MTSS1: variants seen among roughly 807,000 people sequenced by gnomAD.
The protein encoded by MTSS1 is MTSS I-BAR domain containing 1.
MTSS1 carries 18 observed loss-of-function variants against 79.0 expected under a neutral mutation model. The observed-to-expected ratio is 0.23, with a 90% CI of 0.16 to 0.34. MTSS1 has a LOEUF of 0.34. Among genes scored for constraint, MTSS1 ranks in the 10% least tolerant of loss-of-function variants. The pLI is 1.00. For missense variants in MTSS1, 815 were observed against 986.2 expected (o/e 0.83, Z 2.33); for synonymous variants, 341 against 368.6 (o/e 0.93, Z 0.86).
chr8:124,717,338 A>C (rs1832195067), intron 1 of MTSS1, among the ~76,000 whole-genome samples: 1 of 137,704 alleles, frequency 7.3e-6, no homozygotes, highest in South Asian at 2.2e-4. Context: ...CTAAAGATAC[A>C]AAAAAAAAAA....
At chr8:124,580,370 CAATT>C (rs1162574397) in intron 6 of MTSS1, 8 of 598,034 alleles carry the variant, frequency 1.3e-5, no homozygotes, top group South Asian at 2.3e-5. Context: ...AAAAAGAAAA[CAATT>C]AAAACACAAC....
intron 6 of MTSS1, among the ~76,000 whole-genome samples, chr8:124,583,641 C>T (rs532582299): frequency 6.6e-6 from 1 of 152,162 alleles, no homozygotes; most frequent in South Asian, 2.1e-4. Flanking sequence ...CTTTTTCTTC[C>T]TTCATCCTTT....
intron 3 of MTSS1, among the ~76,000 whole-genome samples, chr8:124,696,862 AAAG>A (rs1828924671): frequency 1.3e-5 from 2 of 152,094 alleles, no homozygotes; most frequent in South Asian, 4.2e-4. Context: ...AAAAAAAAAA[AAAG>A]AAAAAAAAAT....
At chr8:124,622,686 G>A (rs28635480) in intron 3 of MTSS1, among the ~76,000 whole-genome samples, 25 of 151,634 alleles carry the variant, frequency 1.6e-4, no homozygotes, top group African/African-American at 5.1e-4. Context: ...TCCATTACTC[G>A]GGAGGCTGAG....
rs373329148 is a variant in MTSS1 at position 124,671,776 on chromosome 8, A to T, written c.208+27750T>A. On this transcript the variant is annotated intron_variant, in intron 3 of 13. Coordinates refer to ENST00000518547, the MANE Select transcript of MTSS1 (RefSeq NM_014751.6). ...GAGGTGTCTTCATTAAGAACACAGCATTCTGCCCCAGGAAACACATACCAT... is the reference window on the plus strand; with the variant it reads ...GAGGTGTCTTCATTAAGAACACAGCTTTCTGCCCCAGGAAACACATACCAT... Among the ~76,000 whole-genome samples the T allele has an allele frequency of 1.2e-3, 186 of 152,342 alleles. 1 individual carries two copies. The highest frequency in any genetic ancestry group is 3.4e-3 in the African/African-American group (140 of 41,574).
intron 1 of MTSS1, among the ~76,000 whole-genome samples, chr8:124,722,543 C>T (rs959400638): frequency 6.6e-6 from 1 of 152,182 alleles, no homozygotes; most frequent in Non-Finnish European, 1.5e-5. Context: ...AAGGGAGAAC[C>T]TCAGCAATCG....
At chr8:124,714,548 C>T (rs1032347264) in intron 1 of MTSS1, among the ~76,000 whole-genome samples, 3 of 152,132 alleles carry the variant, frequency 2.0e-5, no homozygotes, top group East Asian at 1.9e-4. Context: ...CTGCAACCTC[C>T]GCCTCCAGGG....
At chr8:124,715,943 G>C (rs145223836) in intron 1 of MTSS1, among the ~76,000 whole-genome samples, 136 of 152,356 alleles carry the variant, frequency 8.9e-4, no homozygotes, top group Middle Eastern at 3.4e-3. Flanking sequence ...GTTGTAGGAT[G>C]ATGGGGAAAA....
At position 124,656,037 on chromosome 8, in the gene MTSS1, CAGA is replaced by C. The variant is rs1308604924; in HGVS notation, c.208+43486_208+43488del. Among the ~76,000 whole-genome samples, 11 of 152,294 alleles carry C rather than the reference CAGA, an allele frequency of 7.2e-5. No homozygotes were observed. The East Asian group carries it at 2.1e-3, about 29-fold the overall frequency. On this transcript the variant is annotated intron_variant, in intron 3 of 13. Transcript: ENST00000518547. ...ATCTTTGAACTTGGAATGATATAAT[CAGA>C]AGGAGAAAAAAACCTAATGTGTCTT...
intron 3 of MTSS1, among the ~76,000 whole-genome samples, chr8:124,696,654 C>T (rs1486580904): frequency 6.6e-6 from 1 of 151,962 alleles, no homozygotes; most frequent in African/African-American, 2.4e-5. Context: ...AGTTCGAGAC[C>T]AGTCTGGCCA....
At chr8:124,617,609 G>C (rs1563869406) in intron 3 of MTSS1, among the ~76,000 whole-genome samples, 1 of 151,998 alleles carries the variant, frequency 6.6e-6, no homozygotes, top group African/African-American at 2.4e-5. Flanking sequence ...GGGCGAGAGG[G>C]GTGCAGGGGA....
chr8:124,591,251 AG>A lies in MTSS1; in HGVS notation c.209-17del, dbSNP rs746722198. The A allele has an allele frequency of 5.2e-5, 83 of 1,609,938 alleles. No individual in the cohort carries two copies. In the South Asian group the frequency reaches 7.6e-4, roughly 15 times the overall value. On this transcript the variant is annotated splice_polypyrimidine_tract_variant and intron_variant, in intron 3 of 13. Transcript: ENST00000518547. The stretch of plus-strand genomic sequence containing the variant: ...CTGGTCCCACCTGAAAAAGCAACAG[AG>A]GCAAAGGTGAGGGATAGAAGACTAG...
intron 3 of MTSS1, among the ~76,000 whole-genome samples, chr8:124,599,229 TC>T (rs5894716): frequency 0.31 from 47,820 of 151,988 alleles, 9,304 homozygotes; most frequent in African/African-American, 0.55. Flanking sequence ...ACGCCTGTAA[TC>T]CCCAACACTT....
intron 3 of MTSS1, among the ~76,000 whole-genome samples, chr8:124,656,008 T>C (rs940074592): frequency 6.6e-6 from 1 of 152,106 alleles, no homozygotes; most frequent in Non-Finnish European, 1.5e-5. Context: ...CAGAAGAAAA[T>C]AAAATCTTTG....
chr8:124,635,798 A>T (rs1816869426), intron 3 of MTSS1, among the ~76,000 whole-genome samples: 1 of 151,742 alleles, frequency 6.6e-6, no homozygotes, highest in Non-Finnish European at 1.5e-5. Context: ...ACTATATTTT[A>T]TGGCTCCCGG....
rs1046153748 is a variant in MTSS1 at position 124,672,133 on chromosome 8, T to C, written c.208+27393A>G. Among the ~76,000 whole-genome samples, 4 of 152,342 alleles carry C rather than the reference T, an allele frequency of 2.6e-5. 1 individual carries two copies. ...TTTCAGCATTTATGAAGTAATAAGA[T>C]ACATCCAGACTATAAAACATACAAA... On this transcript the variant is annotated intron_variant, in intron 3 of 13. Coordinates refer to ENST00000518547, the MANE Select transcript of MTSS1 (RefSeq NM_014751.6).
At chr8:124,674,401 C>A (rs1563976889) in intron 3 of MTSS1, among the ~76,000 whole-genome samples, 1 of 152,196 alleles carries the variant, frequency 6.6e-6, no homozygotes, top group Non-Finnish European at 1.5e-5. Context: ...CCACGCATCG[C>A]CAGGAGCTGT....
chr8:124,707,854 C>A (rs1021871973), intron 1 of MTSS1, among the ~76,000 whole-genome samples: 6 of 152,160 alleles, frequency 3.9e-5, no homozygotes, highest in African/African-American at 1.2e-4. Flanking sequence ...CCAGCCTGGG[C>A]AACAGAGCAA....
intron 3 of MTSS1, among the ~76,000 whole-genome samples, chr8:124,670,365 T>G (rs1435207620): frequency 7.3e-6 from 1 of 136,918 alleles, no homozygotes; most frequent in Non-Finnish European, 1.6e-5. Flanking sequence ...GAGATTACAC[T>G]CAGGCGGGCG....
Sources: gnomAD v4.1 joint callset for allele counts (sites outside exome capture counted in the v4.1 genomes callset) on GRCh38, gnomAD v4.1.1 for gene constraint, MANE v1.5 for transcripts, NCBI Gene and HGNC (gene_info 2026-07-23, HGNC 2026-07-21) for gene names.